The following TBC1D22B variants were observed in gnomAD, a reference collection of about 807,000 sequenced individuals.
TBC1D22B encodes TBC1 domain family member 22B, also known as chromosome 6 open reading frame 197.
In TBC1D22B, 32 loss-of-function variants were observed where a neutral mutation model predicts 69.1. The observed-to-expected ratio is 0.46, with a 90% CI of 0.35 to 0.62. The LOEUF (loss-of-function observed/expected upper bound fraction) is 0.62, where lower values mean the gene tolerates loss of function less well. TBC1D22B is among the 20% of genes least tolerant of loss of function. TBC1D22B has a pLI of 0.00. For synonymous variants in TBC1D22B, 206 were observed against 229.8 expected, an observed-to-expected ratio of 0.90 and a Z score of 0.94; for missense variants, 462 against 630.9, an observed-to-expected ratio of 0.73 and a Z score of 2.87.
At chr6:37,304,855 T>C (rs963572228) in intron 8 of TBC1D22B, among the ~76,000 whole-genome samples, 1 of 152,162 alleles carries the variant, frequency 6.6e-6, no homozygotes, top group East Asian at 1.9e-4. Context: ...AAAACAGATA[T>C]TTGTAGGATT....
intron 12 of TBC1D22B, chr6:37,324,371 T>C: frequency 2.2e-6 from 1 of 456,666 alleles, no homozygotes; most frequent in Middle Eastern, 3.3e-4. Flanking sequence ...ATGATAAAAA[T>C]CCATTCAAGA....
intron 2 of TBC1D22B, 56 bp downstream of exon 2, chr6:37,269,706 C>T (rs564762355): frequency 7.8e-6 from 12 of 1,534,686 alleles, no homozygotes; most frequent in Middle Eastern, 1.7e-4. Flanking sequence ...TATACCCTCC[C>T]CTATTTTGTT....
At position 37,291,336 on chromosome 6, in the gene TBC1D22B, G is replaced by A. The variant is rs749706611; in HGVS notation, c.961G>A (p.Val321Ile). ...INDLVTPFFV[V>I]FLSEYVEEDV... ...TGACCTGGTCACTCCATTCTTTGTC[G>A]TCTTCCTCTCAGAATATGTGGGTAA... Residue 321 changes from valine to isoleucine, a missense_variant, in exon 8 of 13, where the codon GTC becomes ATC. Around this residue, in one of 2 missense-constraint regions of TBC1D22B, gnomAD observed 225 missense variants for 375.4 expected, o/e 0.60. Transcript: ENST00000373491. The A allele has an allele frequency of 4.7e-5, 76 of 1,611,104 alleles. No homozygotes were observed. The highest frequency in any genetic ancestry group is 5.9e-5 in the Non-Finnish European group (70 of 1,178,712).
intron 8 of TBC1D22B, among the ~76,000 whole-genome samples, chr6:37,292,614 T>C (rs576336093): frequency 4.6e-5 from 7 of 152,204 alleles, no homozygotes; most frequent in Non-Finnish European, 8.8e-5. Flanking sequence ...TTTTCTAAAA[T>C]AGTATTGAAG....
intron 11 of TBC1D22B, 136 bp downstream of exon 11, chr6:37,316,966 G>A: frequency 6.6e-7 from 1 of 1,518,260 alleles, no homozygotes; most frequent in Non-Finnish European, 9.0e-7. Context: ...TAGCCTCAGG[G>A]CAGGGCCTTT....
intron 1 of TBC1D22B, among the ~76,000 whole-genome samples, chr6:37,260,945 C>T (rs2113966730): frequency 6.6e-6 from 1 of 152,254 alleles, no homozygotes; most frequent in Middle Eastern, 3.4e-3. Flanking sequence ...CTTTTATGAA[C>T]ATTTATGCAG....
intron 8 of TBC1D22B, among the ~76,000 whole-genome samples, chr6:37,309,950 AAATAT>A (rs1231173574): frequency 1.3e-5 from 2 of 148,166 alleles, no homozygotes; most frequent in Non-Finnish European, 3.0e-5. Context: ...TATAATATTA[AAATAT>A]AATATAAAAC....
intron 8 of TBC1D22B, among the ~76,000 whole-genome samples, chr6:37,312,481 G>T (rs996205264): frequency 7.9e-5 from 12 of 152,154 alleles, no homozygotes; most frequent in Non-Finnish European, 1.8e-4. Context: ...AACTGTGGGG[G>T]CTTTCTGATC....
At chr6:37,302,716 G>A (rs1056458331) in intron 8 of TBC1D22B, among the ~76,000 whole-genome samples, 1 of 152,200 alleles carries the variant, frequency 6.6e-6, no homozygotes, top group African/African-American at 2.4e-5. Flanking sequence ...GAAGTCCTCC[G>A]CAGACCTCTG....
chr6:37,305,479 CTACTT>C (rs1429099530), intron 8 of TBC1D22B, among the ~76,000 whole-genome samples: 3 of 151,692 alleles, frequency 2.0e-5, no homozygotes, highest in Non-Finnish European at 4.4e-5. Context: ...ACAAGGGTAA[CTACTT>C]TACTGATTTC....
At chr6:37,289,785 C>T (rs1767119982) in intron 7 of TBC1D22B, among the ~76,000 whole-genome samples, 1 of 152,172 alleles carries the variant, frequency 6.6e-6, no homozygotes, top group African/African-American at 2.4e-5. Flanking sequence ...GCTGTATTTT[C>T]AAGATAGAGG....
chr6:37,268,238 T>G (rs998368028), intron 1 of TBC1D22B, among the ~76,000 whole-genome samples: 2 of 152,256 alleles, frequency 1.3e-5, no homozygotes, highest in South Asian at 4.2e-4. Context: ...ATTTTCTTTC[T>G]TCTCTCCCTT....
At chr6:37,322,375 G>A (rs1390902211) in intron 12 of TBC1D22B, among the ~76,000 whole-genome samples, 1 of 152,196 alleles carries the variant, frequency 6.6e-6, no homozygotes, top group South Asian at 2.1e-4. Context: ...CCGTCAGCCA[G>A]GTGTGATGGC....
rs1765861035 is a variant in TBC1D22B, at chr6:37,257,898, G to T, written c.-20G>T. On this transcript the variant is annotated 5_prime_UTR_variant, in exon 1 of 13. Coordinates refer to ENST00000373491, the MANE Select transcript of TBC1D22B (RefSeq NM_017772.4). ...GGCAAACCCTTGGCCCGCCTACAAG[G>T]ACTTCCCCCGGCCAGAGCAATGGCC... 1.9e-6 allele frequency: 3 copies of T among 1,612,704 alleles called. No homozygotes were observed. In the South Asian group the frequency reaches 3.3e-5, roughly 18 times the overall value.
At chr6:37,302,501 C>A (rs1767598704) in intron 8 of TBC1D22B, among the ~76,000 whole-genome samples, 1 of 152,164 alleles carries the variant, frequency 6.6e-6, no homozygotes, top group Admixed American at 6.5e-5. Flanking sequence ...AGAAGTGATT[C>A]ATATAAGGAA....
chr6:37,268,354 A>G (rs1246749476), intron 1 of TBC1D22B, among the ~76,000 whole-genome samples: 2 of 151,950 alleles, frequency 1.3e-5, no homozygotes, highest in African/African-American at 4.8e-5. Context: ...TCAGCCTCCC[A>G]AGTAGCTGAG....
chr6:37,278,939 A>G (rs903791742), intron 2 of TBC1D22B, among the ~76,000 whole-genome samples: 2 of 151,862 alleles, frequency 1.3e-5, no homozygotes, highest in African/African-American at 2.4e-5. Context: ...AAAAAAAAAA[A>G]AGAGAGAGGT....
intron 8 of TBC1D22B, among the ~76,000 whole-genome samples, chr6:37,307,911 G>A (rs1767787289): frequency 6.6e-6 from 1 of 152,232 alleles, no homozygotes; most frequent in Non-Finnish European, 1.5e-5. Context: ...TCTTGTTGGT[G>A]TTGGTAAAAC....
rs1214350680 is a variant in TBC1D22B, at chr6:37,332,356, C to T, written c.*1184C>T. The stretch of plus-strand genomic sequence containing the variant: ...GGGACTGCAGAGGCGGGCAAGCCCT[C>T]TCTATGTGTTTTTATCCCCACCTTC... On this transcript the variant is annotated 3_prime_UTR_variant, in exon 13 of 13. Coordinates refer to ENST00000373491, the MANE Select transcript of TBC1D22B (RefSeq NM_017772.4). 1 of 152,606 alleles carries T rather than the reference C, an allele frequency of 6.6e-6. No individual in the cohort carries two copies. Among genetic ancestry groups the T allele is most frequent in the East Asian group, 1.9e-4 (1 of 5,192 alleles). 9.5% of individuals were successfully genotyped at this position (152,606 alleles called of 1,614,324 possible).
Sources: allele counts gnomAD v4.1 joint callset (sites outside exome capture counted in the v4.1 genomes callset), GRCh38; gene constraint gnomAD v4.1.1; regional missense constraint gnomAD v4.1.1; transcripts MANE v1.5; gene names NCBI Gene and HGNC (gene_info 2026-07-23, HGNC 2026-07-21).